The following KIF17 variants were observed in gnomAD, a reference collection of about 807,000 sequenced individuals.
KIF17 encodes the protein kinesin family member 17, also known as kinesin-like protein KIF17.
A neutral mutation model predicts 96.8 loss-of-function variants in KIF17; 80 were observed. The ratio of observed to expected loss-of-function variants is 0.83; its 90% CI spans 0.69 to 1.00. KIF17 has a LOEUF of 1.00. Ranked by LOEUF, KIF17 falls within the 50% of genes least tolerant of loss-of-function variation. The pLI, the probability that KIF17 is intolerant of heterozygous loss-of-function variation, is 0.00. For missense variants in KIF17, 1,280 were observed against 1,372.9 expected (o/e 0.93, Z 1.07); for synonymous variants, 567 against 587.5 (o/e 0.97, Z 0.51).
intron 10 of KIF17, among the ~76,000 whole-genome samples, chr1:20,683,777 C>T (rs1234808506): frequency 6.6e-6 from 1 of 152,246 alleles, no homozygotes; most frequent in Non-Finnish European, 1.5e-5. Flanking sequence ...GCGGTTCACT[C>T]CAGCTTTCAC....
Position 20,687,373 on chromosome 1 carries a change from C to G in KIF17, c.1938+15G>C. On this transcript the variant is annotated intron_variant, in intron 8 of 14. Coordinates refer to ENST00000400463, the MANE Select transcript of KIF17 (RefSeq NM_001122819.3). This position sits in a 1 kb window ranked among gnomAD's most constrained non-coding sequence, Gnocchi z 4.4. ...TGCTCAGTGTTCACATGGCACCATG[C>G]GTGACATCAGCTACCTGCACAGGGA... The G allele has an allele frequency of 6.2e-7, 1 of 1,611,952 alleles. No individual in the cohort carries two copies. Among genetic ancestry groups the G allele is most frequent in the Non-Finnish European group, 8.5e-7 (1 of 1,179,472 alleles).
At chr1:20,710,011 T>C (rs1269212686) in intron 3 of KIF17, among the ~76,000 whole-genome samples, 183 bp from the exon 4 acceptor site, 1 of 152,172 alleles carries the variant, frequency 6.6e-6, no homozygotes, top group Non-Finnish European at 1.5e-5. Flanking sequence ...GCCTCAGACC[T>C]ACCCCTGCCT....
In KIF17 at chr1:20,699,875, G is replaced by T. The variant is rs1446810941; in HGVS notation, c.1124-1387C>A. On this transcript the variant is annotated intron_variant, in intron 5 of 14. Transcript: ENST00000400463. This position sits in a 1 kb window ranked among gnomAD's most constrained non-coding sequence, Gnocchi z 4.3. ...TGTGGAGGGCCGGGTGAGGGCTTTGGCTGTGACTCTGGGTTGAACGAGGCA... is the reference window on the plus strand; with the variant it reads ...TGTGGAGGGCCGGGTGAGGGCTTTGTCTGTGACTCTGGGTTGAACGAGGCA... Among the ~76,000 whole-genome samples, 1 of 152,162 alleles carries T rather than the reference G, an allele frequency of 6.6e-6. No individual in the cohort carries two copies.
At position 20,664,776 on chromosome 1, in the gene KIF17, G is replaced by A; in HGVS notation, c.2909-14C>T. 6.2e-7 allele frequency: 1 copy of A among 1,611,120 alleles called. No homozygotes were observed. The highest frequency in any genetic ancestry group is 8.5e-7 in the Non-Finnish European group (1 of 1,179,090). ...AGTTGTGATGTGCTGTGGGGAAGAG[G>A]GCAGAGGTGCTGGTAAGCCAGGAGC... is the stretch of plus-strand genomic sequence containing the variant. On this transcript the variant is annotated splice_polypyrimidine_tract_variant and intron_variant, in intron 14 of 14. Transcript: ENST00000400463.
At position 20,709,697 on chromosome 1, in the gene KIF17, G is replaced by A; in HGVS notation, c.612C>T (p.Asn204=). The change falls in exon 4 of 15, where the codon AAC becomes AAT. Residue 204 remains asparagine, a synonymous_variant. Coordinates refer to ENST00000400463, the MANE Select transcript of KIF17 (RefSeq NM_001122819.3). This position sits in a 1 kb window ranked among gnomAD's most constrained non-coding sequence, Gnocchi z 4.7. ...TGGAGTGCGAGCGTGAGGAATCCTT[G>A]TTCATCAGCGTGTAGCCGACCGAAC... ...KNRSVGYTLM[N]KDSSRSHSIF... 1 of 1,614,116 alleles carries A rather than the reference G, an allele frequency of 6.2e-7. No homozygotes were observed. The highest frequency in any genetic ancestry group is 8.5e-7 in the Non-Finnish European group (1 of 1,180,028).
intron 3 of KIF17, among the ~76,000 whole-genome samples, chr1:20,711,366 C>T (rs369874341): frequency 3.3e-5 from 5 of 152,224 alleles, no homozygotes; most frequent in South Asian, 2.1e-4. Flanking sequence ...CCCTCCACCG[C>T]GCTCCCAACC....
At position 20,666,201 on chromosome 1, in the gene KIF17, GA is replaced by G; in HGVS notation, c.2908+12del. 1 of 1,585,574 alleles carries G rather than the reference GA, an allele frequency of 6.3e-7. No homozygotes were observed. The highest frequency in any genetic ancestry group is 1.3e-5 in the African/African-American group (1 of 74,464). ...TTGTGTGGAGAGGGTGGGGACAGGGGAGGGACACTCACTGAGGCTCTTCCTG... is the reference window on the plus strand; with the variant it reads ...TTGTGTGGAGAGGGTGGGGACAGGGGGGGACACTCACTGAGGCTCTTCCTG... On this transcript the variant is annotated intron_variant, in intron 14 of 14. Transcript: ENST00000400463.
At position 20,707,781 on chromosome 1, in the gene KIF17, ATGTGTATGTG is replaced by A. The variant is rs777440978; in HGVS notation, c.670+1848_670+1857del. Among the ~76,000 whole-genome samples the A allele has an allele frequency of 1.9e-3, 170 of 90,934 alleles. 3 individuals carry two copies. Among genetic ancestry groups the A allele is most frequent in the African/African-American group, 7.4e-3 (148 of 19,956 alleles). The allele number at this position is 90,934 out of a possible 152,430, so 59.7% of individuals were successfully genotyped here. ...CTGTCTCAAAAAAAAAAACAAACCA[ATGTGTATGTG>A]TGTGTGTGTGTGTGTGTGTGTGTGT... On this transcript the variant is annotated intron_variant, in intron 4 of 14. Coordinates refer to ENST00000400463, the MANE Select transcript of KIF17 (RefSeq NM_001122819.3).
chr1:20,683,319 G>A (rs1267683839), intron 10 of KIF17, among the ~76,000 whole-genome samples: 1 of 152,186 alleles, frequency 6.6e-6, no homozygotes, highest in Non-Finnish European at 1.5e-5. Context: ...GACTATTTAT[G>A]TCCAAAATGC....
intron 11 of KIF17, among the ~76,000 whole-genome samples, chr1:20,677,489 A>G (rs2053758046): frequency 6.6e-6 from 1 of 152,188 alleles, no homozygotes; most frequent in South Asian, 2.1e-4. Flanking sequence ...AAACACCCCA[A>G]GTGTTTATCA....
rs1341872812 is a variant in KIF17, at chr1:20,709,307, G to C, written c.670+332C>G. Among the ~76,000 whole-genome samples the C allele has an allele frequency of 6.7e-6, 1 of 150,232 alleles. No homozygotes were observed. ...GAGGTGGGAGGCTCGCCCGAGCCTG[G>C]GAGGCAGAGGTTGCAGTGAGCCGAG... On this transcript the variant is annotated intron_variant, in intron 4 of 14. Transcript: ENST00000400463. This position sits in a 1 kb window ranked among gnomAD's most constrained non-coding sequence, Gnocchi z 4.7.
At chr1:20,667,955 A>T (rs1477725078) in intron 13 of KIF17, among the ~76,000 whole-genome samples, 1 of 151,644 alleles carries the variant, frequency 6.6e-6, no homozygotes, top group Non-Finnish European at 1.5e-5. Context: ...GGTTGCGGTG[A>T]GCTGAGATCG....
chr1:20,711,291 C>T (rs1009794730), intron 3 of KIF17, among the ~76,000 whole-genome samples: 6 of 152,116 alleles, frequency 3.9e-5, no homozygotes, highest in Non-Finnish European at 5.9e-5. Flanking sequence ...AGGGGTCTCC[C>T]GCCACGATAT....
At chr1:20,710,618 C>T (rs190596336) in intron 3 of KIF17, among the ~76,000 whole-genome samples, 189 of 152,316 alleles carry the variant, frequency 1.2e-3, no homozygotes, top group African/African-American at 4.2e-3. Flanking sequence ...AGGCATTTGT[C>T]TGCCAAGTGG....
chr1:20,667,408 G>T (rs2154534851), intron 13 of KIF17, among the ~76,000 whole-genome samples: 1 of 151,762 alleles, frequency 6.6e-6, no homozygotes, highest in South Asian at 2.1e-4. Context: ...GGCTCCCACT[G>T]ATTCTACATG....
chr1:20,686,683 G>C (rs1390317893), intron 8 of KIF17, among the ~76,000 whole-genome samples: 3 of 152,150 alleles, frequency 2.0e-5, no homozygotes, highest in Admixed American at 6.5e-5. Context: ...AGCCTCCTGA[G>C]TAGCTGGGAT....
At chr1:20,690,996 T>C (rs1003261481) in intron 6 of KIF17, among the ~76,000 whole-genome samples, 2 of 151,742 alleles carry the variant, frequency 1.3e-5, no homozygotes, top group Non-Finnish European at 2.9e-5. Flanking sequence ...CACCATCAGC[T>C]AATTTTTTAA....
chr1:20,670,682 G>GCAGGCAAGACAGCAGCCAAGGGGCTTC (rs1165222635), intron 12 of KIF17, among the ~76,000 whole-genome samples, 194 bp from the exon 13 acceptor site: 4 of 152,162 alleles, frequency 2.6e-5, no homozygotes, highest in Non-Finnish European at 5.9e-5. Context: ...TCATCTGCTT[G>GCAGGCAAGACAGCAGCCAAGGGGCTTC]CAGGCAAGAC....
intron 11 of KIF17, among the ~76,000 whole-genome samples, chr1:20,674,377 C>T (rs2053700312): frequency 6.6e-6 from 1 of 152,220 alleles, no homozygotes; most frequent in Non-Finnish European, 1.5e-5. Context: ...TTCCAGTCCT[C>T]AGCCTCCTGA....
Sources: allele counts gnomAD v4.1 joint callset (sites outside exome capture counted in the v4.1 genomes callset), GRCh38; gene constraint gnomAD v4.1.1; non-coding constraint Gnocchi (gnomAD v3.1); transcripts MANE v1.5; gene names NCBI Gene and HGNC (gene_info 2026-07-23, HGNC 2026-07-21).